The following TBCE variants were observed in gnomAD, a reference collection of about 807,000 sequenced individuals.
TBCE encodes the protein tubulin-specific chaperone E.
TBCE carries 53 observed loss-of-function variants against 77.0 expected under a neutral mutation model. The ratio of observed to expected loss-of-function variants is 0.69; its 90% CI spans 0.55 to 0.87. The LOEUF is 0.87. Ranked by LOEUF, TBCE falls within the 40% of genes least tolerant of loss-of-function variation. The pLI is 0.00. For synonymous variants in TBCE, 235 were observed against 241.3 expected (o/e 0.97, Z 0.24); for missense variants, 624 against 622.4 (o/e 1.00, Z -0.03).
chr1:235,418,290 C>T (rs1413811338), intron 4 of TBCE, among the ~76,000 whole-genome samples: 1 of 152,224 alleles, frequency 6.6e-6, no homozygotes, highest in East Asian at 1.9e-4. Context: ...AATAATGCTG[C>T]TGTGAACTTG....
chr1:235,427,300 C>A, intron 6 of TBCE, 61 bp downstream of exon 6: 2 of 1,265,604 alleles, frequency 1.6e-6, no homozygotes, highest in Non-Finnish European at 1.1e-6. Context: ...CTTGCTTCCT[C>A]ACAGCATCTC....
rs1244494987 is a variant in TBCE at position 235,448,231 on chromosome 1, A to AAAAAAAAAAAAAC, written c.1400-109_1400-108insAAACAAAAAAAAA. 8.8e-6 allele frequency: 7 copies of AAAAAAAAAAAAAC among 793,306 alleles called. No individual in the cohort carries two copies. In the African/African-American group the frequency reaches 1.2e-4, roughly 14 times the overall value. 49.1% of individuals were successfully genotyped at this position (793,306 alleles called of 1,614,324 possible). On this transcript the variant is annotated intron_variant, in intron 15 of 16. Transcript: ENST00000642610. Reference sequence around the variant, plus strand: ...AAGTAAGTCAGTCTCAAAAAAAAAAAAAAAAAAAAGACAGATACAGCTATC... The same window carrying AAAAAAAAAAAAAC: ...AAGTAAGTCAGTCTCAAAAAAAAAAAAAAAAAAAAAAACAAAAAAAAAGACAGATACAGCTATC...
chr1:235,429,018 C>T (rs1252496172), intron 6 of TBCE: 14 of 130,968 alleles, frequency 1.1e-4, no homozygotes, highest in African/African-American at 4.5e-4. Flanking sequence ...GACAGAGTCT[C>T]ACTCTTGTCG....
intron 1 of TBCE, among the ~76,000 whole-genome samples, chr1:235,372,693 G>C (rs1381678215): frequency 6.6e-6 from 1 of 151,848 alleles, no homozygotes; most frequent in Non-Finnish European, 1.5e-5. Flanking sequence ...GGGAGGCCGA[G>C]GCGGGCGGAT....
Position 235,448,767 on chromosome 1 carries a change from CAACT to C in TBCE, c.*8_*11del. On this transcript the variant is annotated 3_prime_UTR_variant, in exon 17 of 17. Transcript: ENST00000642610. ...TGTCTATTAGTGCGATGGTGACAAC[CAACT>C]AATAAAATTTAAAGACCACACTGCT... 3 of 1,599,060 alleles carry C rather than the reference CAACT, an allele frequency of 1.9e-6. No individual in the cohort carries two copies. Among genetic ancestry groups the C allele is most frequent in the Non-Finnish European group, 2.6e-6 (3 of 1,166,746 alleles).
chr1:235,389,985 G>A (rs1276668699), intron 2 of TBCE, among the ~76,000 whole-genome samples: 1 of 151,728 alleles, frequency 6.6e-6, no homozygotes, highest in African/African-American at 2.4e-5. Flanking sequence ...AATTAGCTGG[G>A]TTTTGTGGTG....
intron 5 of TBCE, among the ~76,000 whole-genome samples, chr1:235,423,373 T>A (rs1023333559): frequency 4.6e-5 from 7 of 152,264 alleles, no homozygotes; most frequent in Middle Eastern, 3.4e-3. Flanking sequence ...GTGGTCTGTG[T>A]GCTCTGTACA....
chr1:235,447,484 G>T (rs1682445358), intron 15 of TBCE, among the ~76,000 whole-genome samples: 1 of 152,152 alleles, frequency 6.6e-6, no homozygotes. Context: ...ACATTCCCAT[G>T]CCTGGCAGTC....
chr1:235,444,147 G>GCTTATAGAAGGC (rs1366478969), intron 15 of TBCE, among the ~76,000 whole-genome samples: 5 of 152,120 alleles, frequency 3.3e-5, no homozygotes, highest in Non-Finnish European at 4.4e-5. Context: ...TCATGGTATT[G>GCTTATAGAAGGC]CTTATAGAAG....
chr1:235,440,484 C>T (rs934891333), intron 13 of TBCE, among the ~76,000 whole-genome samples: 4 of 152,004 alleles, frequency 2.6e-5, no homozygotes, highest in African/African-American at 7.3e-5. Flanking sequence ...CCTCTACCTC[C>T]TGGGTTCAAG....
At chr1:235,367,676 C>G (rs1164054812) in intron 1 of TBCE, 172 bp downstream of exon 1, 1 of 152,436 alleles carries the variant, frequency 6.6e-6, no homozygotes, top group Non-Finnish European at 1.5e-5. Context: ...TTGGGGCCAC[C>G]CTGCGCCTCC....
intron 15 of TBCE, among the ~76,000 whole-genome samples, chr1:235,447,698 G>T (rs1196242049): frequency 6.6e-6 from 1 of 152,152 alleles, no homozygotes; most frequent in African/African-American, 2.4e-5. Flanking sequence ...GGTTTAAAAA[G>T]AAAACGTTAA....
chr1:235,446,216 C>T (rs1311204745), intron 15 of TBCE, among the ~76,000 whole-genome samples: 1 of 151,982 alleles, frequency 6.6e-6, no homozygotes, highest in Non-Finnish European at 1.5e-5. Flanking sequence ...CATTCTGTCA[C>T]CCAGGCTAGA....
chr1:235,386,831 G>T (rs1335569829), intron 2 of TBCE, among the ~76,000 whole-genome samples: 1 of 149,364 alleles, frequency 6.7e-6, no homozygotes, highest in Non-Finnish European at 1.5e-5. Flanking sequence ...GCTTTGTTCC[G>T]TTGCTGGTGA....
intron 16 of TBCE, 109 bp from the exon 17 acceptor site, chr1:235,448,555 GTTTGAT>G: frequency 1.4e-6 from 2 of 1,395,370 alleles, no homozygotes; most frequent in South Asian, 2.3e-5. Flanking sequence ...GGGTCTGTTT[GTTTGAT>G]TTTAAGGGTA....
intron 7 of TBCE, chr1:235,433,986 A>C (rs1681262503): frequency 1.7e-6 from 1 of 591,898 alleles, no homozygotes; most frequent in Non-Finnish European, 3.0e-6. Context: ...CAAAGTGCCC[A>C]CAGTGTGTGC....
At position 235,430,766 on chromosome 1, in the gene TBCE, G is replaced by T; in HGVS notation, c.622G>T (p.Val208Phe). 1 of 1,613,720 alleles carries T rather than the reference G, an allele frequency of 6.2e-7. No homozygotes were observed. Among genetic ancestry groups the T allele is most frequent in the Non-Finnish European group, 8.5e-7 (1 of 1,179,850 alleles). ...AACTGGAACGCTTTCTGTACTGAAG[G>T]TTTTAGTCCTCAATCAAACAGGAAT... ...VLTGTLSVLK[V>F]LVLNQTGITW... is the part of the protein sequence containing the mutation. The change falls in exon 7 of 17, where the codon GTT becomes TTT. Residue 208 changes from valine (V) to phenylalanine (F), a missense_variant. Coordinates refer to ENST00000642610, the MANE Select transcript of TBCE (RefSeq NM_003193.5).
chr1:235,414,357 G>C (rs1482670006), intron 3 of TBCE, 76 bp from the exon 4 acceptor site: 9 of 1,468,484 alleles, frequency 6.1e-6, no homozygotes, highest in Non-Finnish European at 8.5e-6. Context: ...AATTTTTGAA[G>C]ACCTTCAGAA....
rs1364786698 is a variant in TBCE, at chr1:235,383,261, C to G, written c.100+3112C>G. Among the ~76,000 whole-genome samples, 4 of 151,994 alleles carry G rather than the reference C, an allele frequency of 2.6e-5. No individual in the cohort carries two copies. The East Asian group carries it at 7.7e-4, about 29-fold the overall frequency. On this transcript the variant is annotated intron_variant, in intron 2 of 16. Coordinates refer to ENST00000642610, the MANE Select transcript of TBCE (RefSeq NM_003193.5). Reference sequence around the variant, plus strand: ...AAGTCAGGTAGTGTGATGCCTCCAGCTTTGTTCTTTTGGCTTAGGATTGAC... The same window carrying G: ...AAGTCAGGTAGTGTGATGCCTCCAGGTTTGTTCTTTTGGCTTAGGATTGAC...
Sources: allele counts gnomAD v4.1 joint callset (sites outside exome capture counted in the v4.1 genomes callset), GRCh38; gene constraint gnomAD v4.1.1; transcripts MANE v1.5; gene names NCBI Gene and HGNC (gene_info 2026-07-23, HGNC 2026-07-21).